The following ZRANB1 variants were observed in gnomAD, a reference collection of about 807,000 sequenced individuals.
ZRANB1 encodes the protein zinc finger RANBP2-type containing 1.
In ZRANB1, 16 loss-of-function variants were observed where a neutral mutation model predicts 80.5. The ratio of observed to expected loss-of-function variants is 0.20; its 90% CI spans 0.13 to 0.30. The LOEUF is 0.30. Ranked by LOEUF, ZRANB1 falls within the 10% of genes least tolerant of loss-of-function variation. The probability of loss-of-function intolerance (pLI) is 1.00; values close to 1 mark genes in which losing one functional copy is unlikely to be tolerated. For synonymous variants in ZRANB1, 291 were observed against 293.1 expected, an observed-to-expected ratio of 0.99 and a Z score of 0.07; for missense variants, 576 against 862.6, an observed-to-expected ratio of 0.67 and a Z score of 4.16.
chr10:124,917,402 G>C, the ZRANB1 span: 1 of 151,100 alleles, frequency 6.6e-6, no homozygotes, highest in Non-Finnish European at 1.5e-5. Flanking sequence ...TCGCAGGCGC[G>C]GGGAGGGCAG....
At chr10:124,954,346 G>A (rs536115077) in intron 1 of ZRANB1, among the ~76,000 whole-genome samples, 1 of 150,678 alleles carries the variant, frequency 6.6e-6, no homozygotes, top group African/African-American at 2.4e-5. Flanking sequence ...AACAGGTCTT[G>A]CATCATATTA....
chr10:124,941,701 A>G (rs141535855), upstream of ZRANB1, among the ~76,000 whole-genome samples: 443 of 152,284 alleles, frequency 2.9e-3, 4 homozygotes, highest in African/African-American at 0.01. Context: ...AAATATTTTA[A>G]TTATGAACAT....
intron 2 of ZRANB1, 80 bp from the exon 3 acceptor site, chr10:124,971,885 C>A: frequency 7.4e-7 from 1 of 1,357,734 alleles, no homozygotes; most frequent in Non-Finnish European, 9.7e-7. Context: ...GGAAATTTTG[C>A]TGATTTCTTT....
chr10:124,926,103 A>G, the ZRANB1 span, among the ~76,000 whole-genome samples: 1 of 152,226 alleles, frequency 6.6e-6, no homozygotes, highest in South Asian at 2.1e-4. Flanking sequence ...AAAGATAAAA[A>G]ATGGTACACC....
At chr10:124,960,045 T>C (rs1171149761) in intron 1 of ZRANB1, among the ~76,000 whole-genome samples, 1 of 152,140 alleles carries the variant, frequency 6.6e-6, no homozygotes, top group East Asian at 1.9e-4. Flanking sequence ...GACATCTGGG[T>C]TGGCTAACAG....
intron 1 of ZRANB1, among the ~76,000 whole-genome samples, chr10:124,963,562 T>TG (rs1418974062): frequency 2.9e-5 from 4 of 139,078 alleles, no homozygotes; most frequent in East Asian, 2.0e-4. Flanking sequence ...TTGTTTTTTT[T>TG]TTTTTTTTTT....
chr10:124,943,359 A>G, intron 1 of ZRANB1, 52 bp downstream of exon 1: 2 of 1,536,186 alleles, frequency 1.3e-6, no homozygotes, highest in Non-Finnish European at 1.8e-6. Flanking sequence ...AGGTAGTAAA[A>G]ATGATATGAA....
At chr10:124,937,227 C>G (rs955435014), upstream of ZRANB1, among the ~76,000 whole-genome samples, 2 of 145,248 alleles carry the variant, frequency 1.4e-5, no homozygotes, top group Non-Finnish European at 3.0e-5. Context: ...GCTCTTGTTG[C>G]CCAGACTGGA....
chr10:124,942,271 T>C lies in ZRANB1; in HGVS notation c.-223T>C. 7.3e-7 allele frequency: 1 copy of C among 1,369,622 alleles called. No homozygotes were observed. The highest frequency in any genetic ancestry group is 1.7e-5 in the South Asian group (1 of 58,866). 84.8% of individuals were successfully genotyped at this position (1,369,622 alleles called of 1,614,324 possible). A position where few individuals can be genotyped will look rare whatever the true frequency, so the allele number is the denominator to read the frequency against. On this transcript the variant is annotated 5_prime_UTR_variant, in exon 1 of 9. Transcript: ENST00000359653. The stretch of plus-strand genomic sequence containing the variant: ...AATCCCAGGGTCTAAGATTTTTTCT[T>C]TGAGAATTTATCTCCAGTGTTTCTA...
the ZRANB1 span, among the ~76,000 whole-genome samples, chr10:124,921,375 C>A: frequency 4.6e-5 from 7 of 152,202 alleles, no homozygotes; most frequent in African/African-American, 1.4e-4. Flanking sequence ...ACCTGTCAAC[C>A]GTCTTGAATG....
At chr10:124,943,590 C>T (rs1446413131) in intron 1 of ZRANB1, among the ~76,000 whole-genome samples, 2 of 152,040 alleles carry the variant, frequency 1.3e-5, no homozygotes, top group Non-Finnish European at 2.9e-5. Flanking sequence ...TCATTCAGCA[C>T]GATAGCTGTA....
At chr10:124,941,057 A>G (rs1278693000), upstream of ZRANB1, among the ~76,000 whole-genome samples, 1 of 152,154 alleles carries the variant, frequency 6.6e-6, no homozygotes, top group Non-Finnish European at 1.5e-5. Context: ...GGTTCAGGAA[A>G]AATCCCTGAG....
rs956065483 is a variant in ZRANB1, at chr10:124,984,706, T to C, written c.1909-68T>C. 4.0e-6 allele frequency: 6 copies of C among 1,504,706 alleles called. No individual in the cohort carries two copies. The Admixed American group carries it at 9.4e-5, about 23-fold the overall frequency. 93.2% of individuals were successfully genotyped at this position (1,504,706 alleles called of 1,614,324 possible). A position where few individuals can be genotyped will look rare whatever the true frequency, so the allele number is the denominator to read the frequency against. On this transcript the variant is annotated intron_variant, in intron 8 of 8. Coordinates refer to ENST00000359653, the MANE Select transcript of ZRANB1 (RefSeq NM_017580.3). ...TTAGCATACCAGCTGTAGGTTTCCA[T>C]GTCACATTCCTACCAAGTCTCTGAT...
At chr10:124,943,416 T>C in intron 1 of ZRANB1, 109 bp downstream of exon 1, 1 of 1,059,552 alleles carries the variant, frequency 9.4e-7, no homozygotes, top group South Asian at 1.6e-5. Flanking sequence ...GCCACTTGCT[T>C]GAAACCAGGA....
At chr10:124,941,198 TAAAAAA>T (rs59781656), upstream of ZRANB1, among the ~76,000 whole-genome samples, 2 of 148,830 alleles carry the variant, frequency 1.3e-5, no homozygotes, top group East Asian at 3.9e-4. Flanking sequence ...TTCAAGCCAT[TAAAAAA>T]AAAAAAATTA....
At chr10:124,973,281 G>T (rs1235108695) in intron 3 of ZRANB1, among the ~76,000 whole-genome samples, 2 of 152,138 alleles carry the variant, frequency 1.3e-5, no homozygotes, top group African/African-American at 4.8e-5. Context: ...AGCCTCCTGA[G>T]TAGCTGGGAC....
chr10:124,959,018 G>GTTCA (rs1258146440), intron 1 of ZRANB1, among the ~76,000 whole-genome samples: 1 of 152,106 alleles, frequency 6.6e-6, no homozygotes, highest in African/African-American at 2.4e-5. Context: ...CCTTTTCTTT[G>GTTCA]TTCATTCATT....
chr10:124,937,737 A>G (rs1318102490), upstream of ZRANB1, among the ~76,000 whole-genome samples: 2 of 152,216 alleles, frequency 1.3e-5, no homozygotes. Flanking sequence ...AAAGTATATA[A>G]TTAAAAACAG....
chr10:124,987,125 A>ATTTTG lies in ZRANB1; in HGVS notation c.*2133_*2134insTTTTG, dbSNP rs1952068306. On this transcript the variant is annotated 3_prime_UTR_variant, in exon 9 of 9. Coordinates refer to ENST00000359653, the MANE Select transcript of ZRANB1 (RefSeq NM_017580.3). ...TCATAGACTGGCTGTTAAAGGCCAA[A>ATTTTG]AATTTTGGTAAATCAATGCTATATT... 1 of 152,618 alleles carries ATTTTG rather than the reference A, an allele frequency of 6.6e-6. No individual in the cohort carries two copies. 9.5% of individuals were successfully genotyped at this position (152,618 alleles called of 1,614,324 possible).
Sources: allele counts gnomAD v4.1 joint callset (sites outside exome capture counted in the v4.1 genomes callset), GRCh38; gene constraint gnomAD v4.1.1; transcripts MANE v1.5; gene names NCBI Gene and HGNC (gene_info 2026-07-23, HGNC 2026-07-21).